The following CAMTA1 variants were observed in gnomAD, a reference collection of about 807,000 sequenced individuals.
CAMTA1 encodes the protein calmodulin binding transcription activator 1.
In CAMTA1, 27 loss-of-function variants were observed where a neutral mutation model predicts 170.9. The ratio of observed to expected loss-of-function variants is 0.16; its 90% CI spans 0.12 to 0.22. The LOEUF (loss-of-function observed/expected upper bound fraction) is 0.22. CAMTA1 is among the 10% of genes least tolerant of loss of function. The pLI, the probability that CAMTA1 is intolerant of heterozygous loss-of-function variation, is 1.00. For synonymous variants in CAMTA1, 833 were observed against 891.5 expected (o/e 0.93, Z 1.17); for missense variants, 1,619 against 2,217.2 (o/e 0.73, Z 5.42).
intron 4 of CAMTA1, among the ~76,000 whole-genome samples, chr1:7,228,198 A>G (rs1255824153): frequency 6.6e-6 from 1 of 152,218 alleles, no homozygotes; most frequent in Non-Finnish European, 1.5e-5. Flanking sequence ...AGAGGTCTCC[A>G]TTGACCAAAA....
chr1:7,436,418 G>C (rs1417834171), intron 5 of CAMTA1, among the ~76,000 whole-genome samples: 1 of 152,180 alleles, frequency 6.6e-6, no homozygotes, highest in African/African-American at 2.4e-5. Flanking sequence ...AGGCTTGGAG[G>C]GGTGCTTCTG....
chr1:6,797,837 A>G (rs1056974391), intron 1 of CAMTA1, among the ~76,000 whole-genome samples: 1 of 152,172 alleles, frequency 6.6e-6, no homozygotes, highest in Non-Finnish European at 1.5e-5. Context: ...TCCTTTCAGT[A>G]GATTTGCTAA....
intron 11 of CAMTA1, among the ~76,000 whole-genome samples, chr1:7,726,243 A>G (rs2096685298): frequency 6.6e-6 from 1 of 151,352 alleles, no homozygotes; most frequent in Non-Finnish European, 1.5e-5. Context: ...GCCTTTTCCT[A>G]CTCTGCCCTG....
intron 5 of CAMTA1, among the ~76,000 whole-genome samples, chr1:7,374,700 C>T (rs1198319732): frequency 6.6e-6 from 1 of 152,232 alleles, no homozygotes; most frequent in African/African-American, 2.4e-5. Context: ...CATGCACGCT[C>T]ACCAGATACC....
Position 7,014,354 on chromosome 1 carries a change from A to G in CAMTA1, c.235-76950A>G, listed in dbSNP as rs1161594700. Reference sequence around the variant, plus strand: ...GTTTGTGTTTGGGGTGTGAGGCTATAAACAGCCCAGGAGTCCTGAGGGGGT... The same window carrying G: ...GTTTGTGTTTGGGGTGTGAGGCTATGAACAGCCCAGGAGTCCTGAGGGGGT... On this transcript the variant is annotated intron_variant, in intron 3 of 22. Coordinates refer to ENST00000303635, the MANE Select transcript of CAMTA1 (RefSeq NM_015215.4). This position sits in a 1 kb window ranked among gnomAD's most constrained non-coding sequence, Gnocchi z 4.2. 6.6e-6 allele frequency: 1 copy of G among 152,294 alleles called. No homozygotes were observed. Among genetic ancestry groups the G allele is most frequent in the African/African-American group, 2.4e-5 (1 of 41,458 alleles). 9.4% of individuals were successfully genotyped at this position (152,294 alleles called of 1,614,324 possible). A position where few individuals can be genotyped will look rare whatever the true frequency, so the allele number is the denominator to read the frequency against.
At chr1:6,916,801 C>T (rs528151241) in intron 3 of CAMTA1, among the ~76,000 whole-genome samples, 4 of 152,298 alleles carry the variant, frequency 2.6e-5, no homozygotes, top group African/African-American at 7.2e-5. Flanking sequence ...CAGATAGATA[C>T]GTCATGGACA....
At chr1:6,789,829 G>C (rs1207465161) in intron 1 of CAMTA1, among the ~76,000 whole-genome samples, 1 of 29,492 alleles carries the variant, frequency 3.4e-5, no homozygotes, top group Non-Finnish European at 6.9e-5. Flanking sequence ...TTTTTTTTTT[G>C]AGACAGAGTC....
At chr1:7,321,372 A>G (rs937517497) in intron 5 of CAMTA1, among the ~76,000 whole-genome samples, 49 of 152,196 alleles carry the variant, frequency 3.2e-4, no homozygotes, top group African/African-American at 1.1e-3. Flanking sequence ...TCAGCAAGTC[A>G]GGTTCTCTGT....
chr1:7,737,647 T>G, intron 15 of CAMTA1, 77 bp downstream of exon 15: 1 of 1,324,100 alleles, frequency 7.6e-7, no homozygotes, highest in Non-Finnish European at 1.0e-6. Flanking sequence ...CTCAGCAGAG[T>G]CCATAGGATA....
chr1:7,130,991 G>A lies in CAMTA1; in HGVS notation c.302+39620G>A, dbSNP rs180995712. Among the ~76,000 whole-genome samples the A allele has an allele frequency of 3.0e-3, 451 of 148,816 alleles. 3 individuals carry two copies. The highest frequency in any genetic ancestry group is 4.3e-3 in the Non-Finnish European group (287 of 67,452). Reference sequence around the variant, plus strand: ...TTTTTTTGAGACGGATTCTTACTCTGTCACCAGGCTGGAGTGCAGTGGCAC... The same window carrying A: ...TTTTTTTGAGACGGATTCTTACTCTATCACCAGGCTGGAGTGCAGTGGCAC... On this transcript the variant is annotated intron_variant, in intron 4 of 22. Coordinates refer to ENST00000303635, the MANE Select transcript of CAMTA1 (RefSeq NM_015215.4).
At chr1:7,462,953 A>C (rs1396595707) in intron 5 of CAMTA1, among the ~76,000 whole-genome samples, 2 of 152,174 alleles carry the variant, frequency 1.3e-5, no homozygotes, top group African/African-American at 4.8e-5. Context: ...GTCTGCTCCT[A>C]GGCCACTGGG....
chr1:6,811,330 C>A (rs1054239463), intron 1 of CAMTA1, among the ~76,000 whole-genome samples: 2 of 152,280 alleles, frequency 1.3e-5, no homozygotes, highest in East Asian at 3.9e-4. Flanking sequence ...ATTTAACTTA[C>A]ATTTTCCTTA....
chr1:6,866,647 T>C (rs1666667685), intron 3 of CAMTA1, among the ~76,000 whole-genome samples: 1 of 152,012 alleles, frequency 6.6e-6, no homozygotes. Flanking sequence ...AAGAAAAAAA[T>C]TTAAGCATAT....
In CAMTA1 at chr1:7,286,496, C is replaced by T. The variant is rs191113003; in HGVS notation, c.438+36870C>T. On this transcript the variant is annotated intron_variant, in intron 5 of 22. Transcript: ENST00000303635. This position sits in a 1 kb window ranked among gnomAD's most constrained non-coding sequence, Gnocchi z 4.2. Reference sequence around the variant, plus strand: ...GGCTGGAATCATGAACGTTCAGGGTCGTCACCCTCACCCTGCTGTCATCCT... The same window carrying T: ...GGCTGGAATCATGAACGTTCAGGGTTGTCACCCTCACCCTGCTGTCATCCT... Among the ~76,000 whole-genome samples, 4 of 152,310 alleles carry T rather than the reference C, an allele frequency of 2.6e-5. No individual in the cohort carries two copies. The highest frequency in any genetic ancestry group is 2.0e-4 in the Admixed American group (3 of 15,308).
intron 4 of CAMTA1, among the ~76,000 whole-genome samples, chr1:7,182,916 A>G (rs571955013): frequency 2.0e-5 from 3 of 152,196 alleles, no homozygotes; most frequent in Non-Finnish European, 4.4e-5. Context: ...AAACATGAAA[A>G]AGCAAGGCTG....
intron 11 of CAMTA1, chr1:7,698,231 T>C (rs568434282): frequency 6.6e-6 from 1 of 152,290 alleles, no homozygotes; most frequent in African/African-American, 2.4e-5. Context: ...AGAAGAATTG[T>C]CTTGGGTCAC....
chr1:7,363,410 G>T (rs896269690), intron 5 of CAMTA1, among the ~76,000 whole-genome samples: 2 of 152,034 alleles, frequency 1.3e-5, no homozygotes. Context: ...CTCGTGTCTC[G>T]GAGGTTGTTA....
chr1:7,543,999 A>G (rs1311798333), intron 6 of CAMTA1, among the ~76,000 whole-genome samples: 4 of 152,204 alleles, frequency 2.6e-5, no homozygotes, highest in African/African-American at 9.7e-5. Context: ...TAGTTCTTAA[A>G]AAAGGGATCC....
chr1:7,137,298 G>A (rs1645601336), intron 4 of CAMTA1, among the ~76,000 whole-genome samples: 1 of 152,258 alleles, frequency 6.6e-6, no homozygotes, highest in Middle Eastern at 3.4e-3. Flanking sequence ...TGTTGGTAGA[G>A]CCCTCTTTTA....
Sources: allele counts gnomAD v4.1 joint callset (sites outside exome capture counted in the v4.1 genomes callset), GRCh38; gene constraint gnomAD v4.1.1; non-coding constraint Gnocchi (gnomAD v3.1); transcripts MANE v1.5; gene names NCBI Gene and HGNC (gene_info 2026-07-23, HGNC 2026-07-21).